SRRM4: variants seen among roughly 807,000 people sequenced by gnomAD.
SRRM4 encodes serine/arginine repetitive matrix protein 4.
A neutral mutation model predicts 68.9 loss-of-function variants in SRRM4; 33 were observed. The observed-to-expected ratio is 0.48, with a 90% CI of 0.36 to 0.64. The LOEUF is 0.64. Ranked by LOEUF, SRRM4 falls within the 30% of genes least tolerant of loss-of-function variation. The pLI is 0.00. For missense variants in SRRM4, 817 were observed against 827.1 expected (o/e 0.99, Z 0.15); for synonymous variants, 318 against 318.8 (o/e 1.00, Z 0.03).
intron 1 of SRRM4, among the ~76,000 whole-genome samples, chr12:119,098,857 T>A (rs1565907654): frequency 6.6e-6 from 1 of 152,206 alleles, no homozygotes; most frequent in African/African-American, 2.4e-5. Flanking sequence ...TTTCTTAGAA[T>A]CAGACCACAT....
chr12:119,018,532 G>A (rs990331690), intron 1 of SRRM4, among the ~76,000 whole-genome samples: 2 of 151,980 alleles, frequency 1.3e-5, no homozygotes, highest in Non-Finnish European at 2.9e-5. Flanking sequence ...GTTAGTCATT[G>A]GTTTCTTTAA....
chr12:119,107,019 AG>A (rs1383060972), intron 2 of SRRM4, among the ~76,000 whole-genome samples: 2 of 152,206 alleles, frequency 1.3e-5, no homozygotes, highest in Non-Finnish European at 2.9e-5. Flanking sequence ...TTTAGCATGA[AG>A]GGTGGTTGAA....
chr12:119,128,629 A>G (rs1954275222), intron 7 of SRRM4, among the ~76,000 whole-genome samples: 1 of 152,218 alleles, frequency 6.6e-6, no homozygotes, highest in Non-Finnish European at 1.5e-5. Context: ...CTGTTACAGC[A>G]GAGACAACTG....
intron 1 of SRRM4, among the ~76,000 whole-genome samples, chr12:119,077,558 A>G (rs1953923962): frequency 6.6e-6 from 1 of 152,210 alleles, no homozygotes; most frequent in Admixed American, 6.5e-5. Flanking sequence ...CATGTAATAA[A>G]TGACCCCAAA....
intron 2 of SRRM4, among the ~76,000 whole-genome samples, chr12:119,109,371 C>T (rs548535065): frequency 1.3e-5 from 2 of 152,164 alleles, no homozygotes; most frequent in East Asian, 1.9e-4. Flanking sequence ...TTGGCCTGCC[C>T]CGCTAGGTTG....
chr12:119,087,816 C>T (rs1431820341), intron 1 of SRRM4, among the ~76,000 whole-genome samples: 1 of 152,134 alleles, frequency 6.6e-6, no homozygotes, highest in Non-Finnish European at 1.5e-5. Flanking sequence ...GTCTGGAGAC[C>T]AGGCACACGC....
intron 1 of SRRM4, among the ~76,000 whole-genome samples, chr12:119,020,701 A>T (rs1565890732): frequency 6.6e-6 from 1 of 152,226 alleles, no homozygotes; most frequent in Non-Finnish European, 1.5e-5. Context: ...GTGAAAGCGC[A>T]AATGAATCGC....
intron 1 of SRRM4, among the ~76,000 whole-genome samples, chr12:119,003,297 CTAAG>C (rs1366935695): frequency 2.0e-5 from 3 of 151,778 alleles, no homozygotes; most frequent in African/African-American, 7.2e-5. Context: ...GTCATCCAAT[CTAAG>C]ACCCAAACTG....
chr12:119,108,646 GT>G (rs202238669), intron 2 of SRRM4, among the ~76,000 whole-genome samples: 15,483 of 136,178 alleles, frequency 0.11, 952 homozygotes, highest in East Asian at 0.28. Flanking sequence ...ACCCCTGTTT[GT>G]TTTTTTTTTG....
intron 1 of SRRM4, among the ~76,000 whole-genome samples, chr12:118,988,767 A>G (rs899056702): frequency 3.3e-5 from 5 of 152,232 alleles, no homozygotes; most frequent in Admixed American, 3.3e-4. Flanking sequence ...CAATAAATGA[A>G]GAACCAAATA....
rs191485236 is a variant in SRRM4 at position 119,010,483 on chromosome 12, T to A, written c.131+28470T>A. 4.1e-4 allele frequency among the ~76,000 whole-genome samples: 62 copies of A among 152,320 alleles called. 1 individual carries two copies. The highest frequency in any genetic ancestry group is 2.6e-3 in the Admixed American group (40 of 15,304). On this transcript the variant is annotated intron_variant, in intron 1 of 12. Coordinates refer to ENST00000267260, the MANE Select transcript of SRRM4 (RefSeq NM_194286.4). ...CACTTTGAGAGTTCTCTTTGTTCAA[T>A]CAGAGTTTAAACTACACATTTTGTA...
At chr12:119,153,472 C>A in intron 10 of SRRM4, 67 bp from the exon 11 acceptor site, 1 of 1,095,746 alleles carries the variant, frequency 9.1e-7, no homozygotes. Flanking sequence ...GAATAAAGCT[C>A]AAGCCGTCTT....
chr12:119,083,847 A>T (rs769422395), intron 1 of SRRM4, among the ~76,000 whole-genome samples: 15 of 152,184 alleles, frequency 9.9e-5, no homozygotes, highest in Non-Finnish European at 1.9e-4. Flanking sequence ...CTGGGCATCT[A>T]AATACACAGA....
intron 1 of SRRM4, among the ~76,000 whole-genome samples, chr12:119,082,099 A>G (rs1011559566): frequency 6.6e-6 from 1 of 152,174 alleles, no homozygotes; most frequent in African/African-American, 2.4e-5. Context: ...AGTTTGTAGC[A>G]TTCCTGGCTT....
intron 1 of SRRM4, among the ~76,000 whole-genome samples, chr12:119,053,747 GT>G (rs34684011): frequency 1.7e-4 from 26 of 149,126 alleles, no homozygotes; most frequent in Non-Finnish European, 2.2e-4. Context: ...CCCAACAGTA[GT>G]TTTTTTTTTT....
intron 1 of SRRM4, among the ~76,000 whole-genome samples, chr12:119,044,053 G>A (rs180735189): frequency 4.6e-5 from 7 of 151,672 alleles, no homozygotes; most frequent in East Asian, 3.9e-4. Context: ...TTTTAGAAGC[G>A]ATGGGGTTTC....
chr12:119,075,130 C>T (rs916803385), intron 1 of SRRM4, among the ~76,000 whole-genome samples: 1 of 152,094 alleles, frequency 6.6e-6, no homozygotes, highest in African/African-American at 2.4e-5. Flanking sequence ...GGTCACCATC[C>T]CTAAGCTCCA....
At chr12:119,017,790 C>G (rs1170349387) in intron 1 of SRRM4, among the ~76,000 whole-genome samples, 1 of 152,146 alleles carries the variant, frequency 6.6e-6, no homozygotes, top group Non-Finnish European at 1.5e-5. Context: ...CTCATTACAC[C>G]ACAGTGAACT....
At chr12:119,028,576 A>G (rs1953565524) in intron 1 of SRRM4, among the ~76,000 whole-genome samples, 1 of 152,084 alleles carries the variant, frequency 6.6e-6, no homozygotes, top group East Asian at 1.9e-4. Context: ...TCTTTTGTAA[A>G]TTCCTCAGGC....
Sources: gnomAD v4.1 joint callset for allele counts (sites outside exome capture counted in the v4.1 genomes callset) on GRCh38, gnomAD v4.1.1 for gene constraint, MANE v1.5 for transcripts, NCBI Gene and HGNC (gene_info 2026-07-23, HGNC 2026-07-21) for gene names.